The following ZNF536 variants were observed in gnomAD, a reference collection of about 807,000 sequenced individuals.
ZNF536 encodes the protein zinc finger protein 536.
In ZNF536, 13 loss-of-function variants were observed where a neutral mutation model predicts 84.5. The ratio of observed to expected loss-of-function variants is 0.15; its 90% CI spans 0.10 to 0.24. The LOEUF (loss-of-function observed/expected upper bound fraction) is 0.24, where lower values mean the gene tolerates loss of function less well. ZNF536 is among the 10% of genes least tolerant of loss of function. The pLI, the probability that ZNF536 is intolerant of heterozygous loss-of-function variation, is 1.00. For missense variants in ZNF536, 1,536 were observed against 1,747.5 expected, an observed-to-expected ratio of 0.88 and a Z score of 2.16; for synonymous variants, 811 against 742.5, an observed-to-expected ratio of 1.09 and a Z score of -1.50.
chr19:30,425,943 G>A (rs1568416675), intron 1 of ZNF536, among the ~76,000 whole-genome samples: 1 of 152,160 alleles, frequency 6.6e-6, no homozygotes, highest in Non-Finnish European at 1.5e-5. Flanking sequence ...ATAGGTGTGA[G>A]CGAGAGTGCA....
At chr19:30,383,771 CTTT>C (rs775902710) in intron 1 of ZNF536, among the ~76,000 whole-genome samples, 48 of 89,462 alleles carry the variant, frequency 5.4e-4, no homozygotes, top group African/African-American at 2.0e-3. Flanking sequence ...TTCTTTCTTT[CTTT>C]TCTTTCTTTC....
At chr19:30,431,399 G>A (rs1017047564) in intron 1 of ZNF536, among the ~76,000 whole-genome samples, 12 of 152,160 alleles carry the variant, frequency 7.9e-5, no homozygotes, top group African/African-American at 2.9e-4. Context: ...AGGCAGCAGG[G>A]GACCCGATGG....
intron 1 of ZNF536, among the ~76,000 whole-genome samples, chr19:30,611,411 T>C (rs1489269913): frequency 6.6e-6 from 1 of 152,202 alleles, no homozygotes; most frequent in African/African-American, 2.4e-5. Flanking sequence ...CTCCTTATTA[T>C]ATTGCATTAA....
chr19:30,449,854 A>G (rs1222203991), intron 2 of ZNF536, among the ~76,000 whole-genome samples: 1 of 152,216 alleles, frequency 6.6e-6, no homozygotes, highest in East Asian at 1.9e-4. Context: ...TGACCACAGC[A>G]TCAAAGGCCT....
At chr19:30,679,878 A>G (rs1316187214) in intron 1 of ZNF536, among the ~76,000 whole-genome samples, 1 of 152,196 alleles carries the variant, frequency 6.6e-6, no homozygotes, top group African/African-American at 2.4e-5. Flanking sequence ...CATCCAGCCC[A>G]CCTGGCCCAC....
At chr19:30,339,479 C>A (rs1407055550) in intron 2 of ZNF536, among the ~76,000 whole-genome samples, 2 of 152,178 alleles carry the variant, frequency 1.3e-5, no homozygotes, top group Non-Finnish European at 2.9e-5. Context: ...CAGGAGTGAG[C>A]AAGTGAGCAA....
At chr19:30,675,914 G>A (rs560036531) in intron 1 of ZNF536, among the ~76,000 whole-genome samples, 4 of 152,274 alleles carry the variant, frequency 2.6e-5, no homozygotes, top group African/African-American at 9.6e-5. Context: ...CTGGAGTGCA[G>A]TTGTGTGATC....
intron 3 of ZNF536, among the ~76,000 whole-genome samples, chr19:30,353,594 C>T (rs1308100998): frequency 6.6e-6 from 1 of 152,142 alleles, no homozygotes; most frequent in East Asian, 1.9e-4. Context: ...AACCCACAGG[C>T]TTCCGGGCCC....
chr19:30,619,157 G>A (rs2048398388), intron 1 of ZNF536, among the ~76,000 whole-genome samples: 1 of 151,764 alleles, frequency 6.6e-6, no homozygotes, highest in African/African-American at 2.4e-5. Flanking sequence ...TTTTTCGGGT[G>A]CACTAGTTAT....
intron 1 of ZNF536, among the ~76,000 whole-genome samples, chr19:30,668,913 CAGA>C (rs1199576819): frequency 6.6e-6 from 1 of 152,174 alleles, no homozygotes; most frequent in African/African-American, 2.4e-5. Context: ...CCCAAATGCC[CAGA>C]AGAAGGAGCC....
chr19:30,398,323 A>G (rs1177932820), intron 1 of ZNF536, among the ~76,000 whole-genome samples: 2 of 151,260 alleles, frequency 1.3e-5, no homozygotes, highest in Non-Finnish European at 2.9e-5. Context: ...AATTTTCTCA[A>G]TTTGGGAATG....
At chr19:30,613,309 C>G (rs2048167137) in intron 1 of ZNF536, among the ~76,000 whole-genome samples, 1 of 152,184 alleles carries the variant, frequency 6.6e-6, no homozygotes, top group South Asian at 2.1e-4. Flanking sequence ...TTTCATACTT[C>G]TGCTCACTAA....
intron 1 of ZNF536, among the ~76,000 whole-genome samples, chr19:30,614,942 AT>A (rs555419932): frequency 0.022 from 707 of 32,302 alleles, 21 homozygotes; most frequent in African/African-American, 0.079. Context: ...CCCCTTTTCA[AT>A]TTTTTTTTTT....
intron 1 of ZNF536, among the ~76,000 whole-genome samples, chr19:30,405,440 G>T (rs1349252090): frequency 6.6e-6 from 1 of 152,096 alleles, no homozygotes; most frequent in East Asian, 1.9e-4. Context: ...TGAACTTGGG[G>T]TCTCCCTGTG....
intron 2 of ZNF536, among the ~76,000 whole-genome samples, chr19:30,504,473 A>T (rs1239887861): frequency 3.6e-5 from 2 of 55,826 alleles, no homozygotes; most frequent in Admixed American, 2.2e-4. Context: ...CCTCCCTCCC[A>T]TCCTCTCTCC....
At chr19:30,439,959 C>CTTTTT (rs199638233) in intron 1 of ZNF536, among the ~76,000 whole-genome samples, 218 of 96,372 alleles carry the variant, frequency 2.3e-3, no homozygotes, top group African/African-American at 4.1e-3. Flanking sequence ...TTCTTTCTTT[C>CTTTTT]TTTTTTTTTT....
intron 1 of ZNF536, among the ~76,000 whole-genome samples, chr19:30,601,447 G>C (rs1038483152): frequency 1.3e-5 from 2 of 152,140 alleles, no homozygotes; most frequent in African/African-American, 2.4e-5. Flanking sequence ...AGCCCCTGAT[G>C]GGGGAGCCTG....
intron 3 of ZNF536, among the ~76,000 whole-genome samples, chr19:30,363,945 T>A (rs1360551478): frequency 6.6e-6 from 1 of 152,082 alleles, no homozygotes; most frequent in Non-Finnish European, 1.5e-5. Context: ...ATTGAAGTGG[T>A]CATTCCCAGC....
intron 1 of ZNF536, among the ~76,000 whole-genome samples, chr19:30,659,968 T>TGTGC (rs2050065662): frequency 1.3e-5 from 2 of 151,642 alleles, no homozygotes; most frequent in Admixed American, 6.6e-5. Flanking sequence ...TGTGTGTGTG[T>TGTGC]GTGTGTGTGT....
Sources: gnomAD v4.1 joint callset for allele counts (sites outside exome capture counted in the v4.1 genomes callset) on GRCh38, gnomAD v4.1.1 for gene constraint, MANE v1.5 for transcripts, NCBI Gene and HGNC (gene_info 2026-07-23, HGNC 2026-07-21) for gene names.